Variants in DRD2 observed in about 807,000 individuals in gnomAD.
The protein encoded by DRD2 is D(2) dopamine receptor.
Under a neutral mutation model 38.0 loss-of-function variants are expected in DRD2, and 8 were observed. That is an observed-to-expected ratio of 0.21 (90% CI 0.12 to 0.38). The LOEUF (loss-of-function observed/expected upper bound fraction) is 0.38, where lower values mean the gene tolerates loss of function less well. Among genes scored for constraint, DRD2 ranks in the 10% least tolerant of loss-of-function variants. The pLI is 1.00. For synonymous variants in DRD2, 230 were observed against 238.6 expected (o/e 0.96, Z 0.33); for missense variants, 403 against 607.7 (o/e 0.66, Z 3.54).
intron 1 of DRD2, among the ~76,000 whole-genome samples, chr11:113,446,867 G>T (rs931999470): frequency 6.6e-6 from 1 of 152,148 alleles, no homozygotes; most frequent in Non-Finnish European, 1.5e-5. Context: ...TGACAGTAAG[G>T]CATATTCCCT....
Position 113,424,558 on chromosome 11 carries a change from G to A in DRD2, c.94C>T (p.Pro32Ser). The A allele has an allele frequency of 1.2e-6, 2 of 1,614,242 alleles. No individual in the cohort carries two copies. The highest frequency in any genetic ancestry group is 1.3e-5 in the African/African-American group (1 of 75,062). Reference protein sequence around the residue: ...FNGSDGKADRPHYNYYATLLT... With the variant: ...FNGSDGKADRSHYNYYATLLT... Reference sequence around the variant, plus strand: ...AGTGTGGCATAGTAGTTGTAGTGGGGTCTGTCCGCCTTCCCGTCTGACCCG... The same window carrying A: ...AGTGTGGCATAGTAGTTGTAGTGGGATCTGTCCGCCTTCCCGTCTGACCCG... The change falls in exon 2 of 8, where the codon CCC becomes TCC. Residue 32 changes from proline (P) to serine (S), a missense_variant. Pro to Ser is a moderately conservative substitution (Grantham distance 74). Around this residue, in one of 4 missense-constraint regions of DRD2, gnomAD observed 162 missense variants for 254.5 expected, o/e 0.64. Transcript: ENST00000362072.
At position 113,415,325 on chromosome 11, in the gene DRD2, C is replaced by A. The variant is rs1224146560; in HGVS notation, c.723+96G>T. 2.0e-6 allele frequency: 3 copies of A among 1,470,400 alleles called. No individual in the cohort carries two copies. The African/African-American group carries it at 4.2e-5, about 21-fold the overall frequency. 91.1% of individuals were successfully genotyped at this position (1,470,400 alleles called of 1,614,324 possible). A position where few individuals can be genotyped will look rare whatever the true frequency, so the allele number is the denominator to read the frequency against. On this transcript the variant is annotated intron_variant, in intron 5 of 7. Transcript: ENST00000362072. ...TCCTTTAGCCTAGACCTAACCCTTG[C>A]TGAGGTTTCCCAAGCCCCCACCTGA... is the stretch of plus-strand genomic sequence containing the variant.
At chr11:113,439,028 T>C (rs1290687723) in intron 1 of DRD2, among the ~76,000 whole-genome samples, 2 of 152,222 alleles carry the variant, frequency 1.3e-5, no homozygotes, top group African/African-American at 4.8e-5. Flanking sequence ...AGTAAAATGA[T>C]ATATTCCAAA....
Position 113,410,736 on chromosome 11 carries a change from G to A in DRD2, c.1323C>T (p.Leu441=), listed in dbSNP as rs1159504221. 16 of 1,614,108 alleles carry A rather than the reference G, an allele frequency of 9.9e-6. No individual in the cohort carries two copies. The highest frequency in any genetic ancestry group is 1.4e-5 in the Non-Finnish European group (16 of 1,180,044). The change falls in exon 8 of 8, where the codon CTC becomes CTT. Residue 441 remains leucine (L), a synonymous_variant. Transcript: ENST00000362072. ...IEFRKAFLKI[L]HC ...CGGGCAGGCAGCAGAGTCAGCAGTG[G>A]AGGATCTTCAGGAAGGCCTTGCGGA...
Position 113,410,382 on chromosome 11 carries a change from G to A in DRD2, c.*345C>T, listed in dbSNP as rs200963966. The A allele has an allele frequency of 2.2e-6, 1 of 464,390 alleles. No homozygotes were observed. The highest frequency in any genetic ancestry group is 4.0e-6 in the Non-Finnish European group (1 of 251,774). 28.8% of individuals were successfully genotyped at this position (464,390 alleles called of 1,614,324 possible). ...ACTCAGCCTCTGGGCCCTGACTCAG[G>A]CTCCAGCAACCCTAGAGCCCCAGAG... On this transcript the variant is annotated 3_prime_UTR_variant, in exon 8 of 8. Coordinates refer to ENST00000362072, the MANE Select transcript of DRD2 (RefSeq NM_000795.4).
intron 1 of DRD2, among the ~76,000 whole-genome samples, chr11:113,444,751 C>A (rs373609144): frequency 2.8e-4 from 43 of 152,316 alleles, no homozygotes; most frequent in African/African-American, 1.0e-3. Flanking sequence ...CAACGTTGAA[C>A]AAGAGAGGCA....
At chr11:113,461,339 A>G (rs1255135527) in intron 1 of DRD2, among the ~76,000 whole-genome samples, 1 of 152,154 alleles carries the variant, frequency 6.6e-6, no homozygotes. Flanking sequence ...CTTCTTCTCT[A>G]TGGAGAGTAC....
At chr11:113,425,641 C>A (rs1203056554) in intron 1 of DRD2, among the ~76,000 whole-genome samples, 1 of 151,886 alleles carries the variant, frequency 6.6e-6, no homozygotes, top group Admixed American at 6.6e-5. Context: ...AACTGGGAGG[C>A]TGTAGCAGGA....
chr11:113,448,060 G>A (rs1345478213), intron 1 of DRD2, among the ~76,000 whole-genome samples: 2 of 152,172 alleles, frequency 1.3e-5, no homozygotes, highest in Non-Finnish European at 1.5e-5. Flanking sequence ...TCTAGATGGT[G>A]TCTGGCAGCA....
At chr11:113,469,310 G>A (rs1951399402) in intron 1 of DRD2, among the ~76,000 whole-genome samples, 1 of 152,090 alleles carries the variant, frequency 6.6e-6, no homozygotes, top group Non-Finnish European at 1.5e-5. Flanking sequence ...AGAATCCCAA[G>A]GAGTTATTTT....
intron 1 of DRD2, among the ~76,000 whole-genome samples, chr11:113,452,464 G>GTA: frequency 1.1e-5 from 1 of 92,536 alleles, no homozygotes; most frequent in Admixed American, 1.4e-4. Context: ...GTGTGTGTGT[G>GTA]TGTGTGCGCG....
intron 1 of DRD2, among the ~76,000 whole-genome samples, chr11:113,450,847 C>T (rs563467858): frequency 4.1e-4 from 62 of 152,294 alleles, no homozygotes; most frequent in South Asian, 2.5e-3. Context: ...TTTCTCCAAA[C>T]GGACCACTCC....
At chr11:113,412,453 G>T in intron 7 of DRD2, 103 bp downstream of exon 7, 1 of 1,444,016 alleles carries the variant, frequency 6.9e-7, no homozygotes, top group Non-Finnish European at 9.5e-7. Context: ...TGTGCCTGAG[G>T]AAATGCTAGC....
At chr11:113,421,360 T>C (rs1018173755) in intron 2 of DRD2, among the ~76,000 whole-genome samples, 1 of 152,104 alleles carries the variant, frequency 6.6e-6, no homozygotes, top group African/African-American at 2.4e-5. Context: ...TGCACAAGGA[T>C]TGGGGTAAGA....
rs56097058 is a variant in DRD2, at chr11:113,432,288, T to TTCTCTCTC, written c.-31-7614_-31-7607dup. Among the ~76,000 whole-genome samples, 104 of 136,370 alleles carry TTCTCTCTC rather than the reference T, an allele frequency of 7.6e-4. No individual in the cohort carries two copies. In the East Asian group the frequency reaches 9.9e-3, roughly 13 times the overall value. The allele number at this position is 136,370 out of a possible 152,430, so 89.5% of individuals were successfully genotyped here. ...GAGAGGATTTTCTCTGATCCTCTCT[T>TTCTCTCTC]TCTCTCTCTCTCTCTCTCTCTCTCT... On this transcript the variant is annotated intron_variant, in intron 1 of 7. Transcript: ENST00000362072.
intron 1 of DRD2, among the ~76,000 whole-genome samples, chr11:113,438,608 C>T (rs1286027569): frequency 6.6e-6 from 1 of 152,172 alleles, no homozygotes; most frequent in East Asian, 1.9e-4. Flanking sequence ...GAACTAAAAG[C>T]CCTAAAATAT....
chr11:113,457,960 G>C (rs10891550), intron 1 of DRD2, among the ~76,000 whole-genome samples: 26,065 of 152,320 alleles, frequency 0.17, 2,571 homozygotes, highest in East Asian at 0.4. Context: ...CAGCAGGCCA[G>C]CAGCAGCCTG....
At chr11:113,455,529 A>G (rs1951261053) in intron 1 of DRD2, among the ~76,000 whole-genome samples, 1 of 152,230 alleles carries the variant, frequency 6.6e-6, no homozygotes, top group Admixed American at 6.5e-5. Context: ...TTTGCAAATC[A>G]TACATCAGAT....
chr11:113,417,251 CG>C (rs950296806), intron 3 of DRD2, among the ~76,000 whole-genome samples: 2 of 152,192 alleles, frequency 1.3e-5, no homozygotes, highest in Admixed American at 6.5e-5. Flanking sequence ...TTATTCTAAC[CG>C]GCCCCACCTG....
Sources: gnomAD v4.1 joint callset for allele counts (sites outside exome capture counted in the v4.1 genomes callset) on GRCh38, gnomAD v4.1.1 for gene constraint, gnomAD v4.1.1 regional missense constraint, MANE v1.5 for transcripts, NCBI Gene and HGNC (gene_info 2026-07-23, HGNC 2026-07-21) for gene names.